OSMR: variants seen among roughly 807,000 people sequenced by gnomAD.
OSMR encodes oncostatin M receptor.
OSMR carries 81 observed loss-of-function variants against 99.9 expected under a neutral mutation model. The ratio of observed to expected loss-of-function variants is 0.81; its 90% CI spans 0.68 to 0.97. OSMR has a LOEUF of 0.97. Among genes scored for constraint, OSMR ranks in the 50% least tolerant of loss-of-function variants. The pLI, the probability that OSMR is intolerant of heterozygous loss-of-function variation, is 0.00. For synonymous variants in OSMR, 406 were observed against 410.4 expected (o/e 0.99, Z 0.13); for missense variants, 1,099 against 1,153.4 (o/e 0.95, Z 0.68).
chr5:38,877,462 G>T (rs357269), intron 3 of OSMR, among the ~76,000 whole-genome samples: 3 of 152,056 alleles, frequency 2.0e-5, no homozygotes, highest in Non-Finnish European at 4.4e-5. Context: ...CCCACAATGA[G>T]ACTTATTTAG....
At chr5:38,942,609 C>G (rs1355548579) in intron 1 of OSMR, among the ~76,000 whole-genome samples, 1 of 150,044 alleles carries the variant, frequency 6.7e-6, no homozygotes, top group Non-Finnish European at 1.5e-5. Flanking sequence ...TGACACCAAC[C>G]TCGGCTAATT....
At position 38,932,920 on chromosome 5, in the gene OSMR, G is replaced by A. The variant is rs1196250027; in HGVS notation, c.2416G>A (p.Ala806Thr). ...GAATGTCAGTGACTGTATCCCAGAT[G>A]CTATTGAAGTTGTAAGCAAGCCAGA... ...IMNVSDCIPD[A>T]IEVVSKPEGT... The change falls in exon 18 of 18, where the codon GCT becomes ACT. Residue 806 changes from alanine to threonine, a missense_variant. Coordinates refer to ENST00000274276, the MANE Select transcript of OSMR (RefSeq NM_003999.3). The A allele has an allele frequency of 1.2e-6, 2 of 1,614,002 alleles. No homozygotes were observed. The highest frequency in any genetic ancestry group is 8.5e-7 in the Non-Finnish European group (1 of 1,180,008).
intron 9 of OSMR, among the ~76,000 whole-genome samples, chr5:38,908,219 C>A (rs1682588860): frequency 6.6e-6 from 1 of 152,216 alleles, no homozygotes. Flanking sequence ...ACTCTACCCA[C>A]CCCTGCACTG....
intron 16 of OSMR, 113 bp from the exon 17 acceptor site, chr5:38,932,350 C>G (rs1414456898): frequency 1.3e-6 from 1 of 778,474 alleles, no homozygotes; most frequent in Non-Finnish European, 2.3e-6. Context: ...AAGTAACTTG[C>G]TTAATAAGTT....
Position 38,914,751 on chromosome 5 carries a change from A to G in OSMR, c.1286-2795A>G, listed in dbSNP as rs1171318229. Among the ~76,000 whole-genome samples, 3 of 152,356 alleles carry G rather than the reference A, an allele frequency of 2.0e-5. No homozygotes were observed. The East Asian group carries it at 5.8e-4, about 29-fold the overall frequency. On this transcript the variant is annotated intron_variant, in intron 9 of 17. Coordinates refer to ENST00000274276, the MANE Select transcript of OSMR (RefSeq NM_003999.3). ...GCAGGAACAGAAAATCCAATACTGC[A>G]TGTTCTCACTTTTAAGTGGGAACTG...
chr5:38,942,859 A>C (rs2112784568), intron 1 of OSMR: 1 of 1,611,208 alleles, frequency 6.2e-7, no homozygotes, highest in Admixed American at 1.7e-5. Context: ...TCTTGAAATA[A>C]TTCTTGTATG....
chr5:38,876,226 T>G lies in OSMR; in HGVS notation c.99T>G (p.Thr33=). Residue 33 remains threonine, a synonymous_variant, in exon 3 of 18, where the codon ACT becomes ACG. Transcript: ENST00000274276. ...TCTTGGCTGAACGTTTACCATTGACTCCTGTATCACTTAAAGTTTCCACCA... is the reference window on the plus strand; with the variant it reads ...TCTTGGCTGAACGTTTACCATTGACGCCTGTATCACTTAAAGTTTCCACCA... ...SEVLAERLPL[T]PVSLKVSTNS... 1 of 1,613,644 alleles carries G rather than the reference T, an allele frequency of 6.2e-7. No homozygotes were observed. The highest frequency in any genetic ancestry group is 8.5e-7 in the Non-Finnish European group (1 of 1,179,614).
rs780654104 is a variant in OSMR, at chr5:38,884,084, A to T, written c.676A>T (p.Met226Leu). 30 of 1,613,888 alleles carry T rather than the reference A, an allele frequency of 1.9e-5. No homozygotes were observed. Among genetic ancestry groups the T allele is most frequent in the Non-Finnish European group, 2.4e-5 (28 of 1,179,846 alleles). Residue 226 changes from methionine to leucine, a missense_variant, in exon 5 of 18, where the codon ATG becomes TTG. Met to Leu is a conservative substitution (Grantham distance 15). Transcript: ENST00000274276. ...AAGTCAAGGAAATGTCAGTGAAGGCATGAAAGGCATCGTTCTTTTTGTCTC... is the reference window on the plus strand; with the variant it reads ...AAGTCAAGGAAATGTCAGTGAAGGCTTGAAAGGCATCGTTCTTTTTGTCTC... Reference protein sequence around the residue: ...EASQGNVSEGMKGIVLFVSKV... With the variant: ...EASQGNVSEGLKGIVLFVSKV...
chr5:38,880,659 C>A lies in OSMR; in HGVS notation c.247-934C>A, dbSNP rs193064190. On this transcript the variant is annotated intron_variant, in intron 3 of 17. Transcript: ENST00000274276. ...CAGCAGGGAGTGGAAGACACCAAAC[C>A]AAAGACATTGCCTGAGCAAAGACAG... is the stretch of plus-strand genomic sequence containing the variant. 3.3e-5 allele frequency among the ~76,000 whole-genome samples: 5 copies of A among 152,284 alleles called. No homozygotes were observed. The East Asian group carries it at 9.6e-4, about 29-fold the overall frequency.
intron 1 of OSMR, chr5:38,941,550 T>C (rs1220100304): frequency 4.3e-6 from 1 of 230,960 alleles, no homozygotes; most frequent in African/African-American, 2.2e-5. Flanking sequence ...GAAATATTTT[T>C]AATTAAAATA....
chr5:38,938,082 T>C (rs1223888482), downstream of OSMR: 1 of 206,408 alleles, frequency 4.8e-6, no homozygotes, highest in Non-Finnish European at 9.9e-6. Flanking sequence ...GGACAAATCT[T>C]ATTTAAATTA....
intron 7 of OSMR, among the ~76,000 whole-genome samples, chr5:38,894,608 A>G (rs1396012511): frequency 6.6e-6 from 1 of 152,050 alleles, no homozygotes; most frequent in Non-Finnish European, 1.5e-5. Flanking sequence ...AAAAGGCACT[A>G]CATAATGATA....
chr5:38,920,919 C>T (rs995832590), intron 11 of OSMR, among the ~76,000 whole-genome samples: 1 of 152,182 alleles, frequency 6.6e-6, no homozygotes, highest in Non-Finnish European at 1.5e-5. Context: ...CAGTATTAGT[C>T]ATAAACTGTG....
At chr5:38,941,902 C>T (rs1303873025) in intron 1 of OSMR, 1 of 234,414 alleles carries the variant, frequency 4.3e-6, no homozygotes, top group Non-Finnish European at 8.4e-6. Flanking sequence ...ACAAACAAGG[C>T]ATCTGTATTA....
At chr5:38,940,289 G>C (rs1003831831), downstream of OSMR, 2 of 231,174 alleles carry the variant, frequency 8.7e-6, no homozygotes, top group Non-Finnish European at 1.7e-5. Flanking sequence ...GTTAACTTTT[G>C]AGGGATTAAA....
At position 38,917,579 on chromosome 5, in the gene OSMR, T is replaced by C. The variant is rs1745980450; in HGVS notation, c.1319T>C (p.Val440Ala). 6.2e-7 allele frequency: 1 copy of C among 1,612,802 alleles called. No individual in the cohort carries two copies. The highest frequency in any genetic ancestry group is 8.5e-7 in the Non-Finnish European group (1 of 1,179,034). ...PSEAPDVWRI[V>A]SLEPGNHTVT... ...GAGGCCCCTGATGTCTGGAGAATTGTGAGCTTGGAGCCAGGAAATCATACT... is the reference window on the plus strand; with the variant it reads ...GAGGCCCCTGATGTCTGGAGAATTGCGAGCTTGGAGCCAGGAAATCATACT... Residue 440 changes from valine (V) to alanine (A), a missense_variant, in exon 10 of 18, where the codon GTG becomes GCG. Physicochemically the swap from Val to Ala is moderately conservative, Grantham distance 64 (BLOSUM62 0). Transcript: ENST00000274276.
chr5:38,913,364 G>A (rs357250), intron 9 of OSMR, among the ~76,000 whole-genome samples: 101,280 of 151,694 alleles, frequency 0.67, 34,638 homozygotes, highest in African/African-American at 0.83. Context: ...CCTGGCTAAC[G>A]TGGTGAAACC....
chr5:38,923,302 C>G, intron 13 of OSMR, 48 bp downstream of exon 13: 1 of 1,159,282 alleles, frequency 8.6e-7, no homozygotes, highest in African/African-American at 1.5e-5. Context: ...TTGTTCAGAA[C>G]AATTCATAGA....
intron 11 of OSMR, among the ~76,000 whole-genome samples, chr5:38,920,547 C>G: frequency 6.6e-6 from 1 of 152,156 alleles, no homozygotes; most frequent in South Asian, 2.1e-4. Context: ...TGGATGGGAT[C>G]TATAAAGCCC....
Sources: gnomAD v4.1 joint callset for allele counts (sites outside exome capture counted in the v4.1 genomes callset) on GRCh38, gnomAD v4.1.1 for gene constraint, MANE v1.5 for transcripts, NCBI Gene and HGNC (gene_info 2026-07-23, HGNC 2026-07-21) for gene names.